HTD2: variants seen among roughly 807,000 people sequenced by gnomAD.
The protein encoded by HTD2 is hydroxyacyl-thioester dehydratase type 2, mitochondrial.
HTD2 carries 1 observed loss-of-function variant against 3.1 expected under a neutral mutation model. That is an observed-to-expected ratio of 0.32 (90% CI 0.11 to 1.52). The LOEUF (loss-of-function observed/expected upper bound fraction) is 1.52. Ranked by LOEUF, HTD2 falls within the 40% of genes most tolerant of loss-of-function variation. The pLI, the probability that HTD2 is intolerant of heterozygous loss-of-function variation, is 0.39. For synonymous variants in HTD2, 50 were observed against 28.9 expected, an observed-to-expected ratio of 1.73 and a Z score of -2.34; for missense variants, 150 against 79.6, an observed-to-expected ratio of 1.88 and a Z score of -3.36.
Position 58,317,468 on chromosome 3 carries a change from G to T in HTD2, c.-146G>T. The T allele has an allele frequency of 6.3e-7, 1 of 1,599,832 alleles. No individual in the cohort carries two copies. Among genetic ancestry groups the T allele is most frequent in the African/African-American group, 1.3e-5 (1 of 74,470 alleles). ...TCTCCATTTCTTCTTGCATTATCTGGTAATAGTAGGGAACTAGTATTGGAT... is the reference window on the plus strand; with the variant it reads ...TCTCCATTTCTTCTTGCATTATCTGTTAATAGTAGGGAACTAGTATTGGAT... On this transcript the variant is annotated 5_prime_UTR_variant, in exon 5 of 5. Coordinates refer to ENST00000461393, the MANE Select transcript of HTD2 (RefSeq NM_001348712.2).
Position 58,318,379 on chromosome 3 carries a change from T to G in HTD2, c.*259T>G. On this transcript the variant is annotated 3_prime_UTR_variant, in exon 5 of 5. Transcript: ENST00000461393. ...TTGTTTTTTAATTCAAGAAGTAGGC[T>G]GGGCCCGGTGGCTCATGCCTGTAAT... 1 of 299,392 alleles carries G rather than the reference T, an allele frequency of 3.3e-6. No homozygotes were observed. Among genetic ancestry groups the G allele is most frequent in the Admixed American group, 4.7e-5 (1 of 21,282 alleles). The allele number at this position is 299,392 out of a possible 1,614,324, so 18.5% of individuals were successfully genotyped here.
At chr3:58,316,638 C>A in intron 3 of HTD2, 47 bp downstream of exon 3, 1 of 1,494,260 alleles carries the variant, frequency 6.7e-7, no homozygotes, top group Non-Finnish European at 9.3e-7. Flanking sequence ...GCAGAGAGAC[C>A]GATGGAGCAA....
At chr3:58,309,640 C>G (rs1029497292) in intron 1 of HTD2, among the ~76,000 whole-genome samples, 1 of 152,184 alleles carries the variant, frequency 6.6e-6, no homozygotes, top group Non-Finnish European at 1.5e-5. Flanking sequence ...ACCTGTAATA[C>G]CGGCACTCTG....
rs894946036 is a variant in HTD2, at chr3:58,317,086, T to C, written c.-175+93T>C. ...CAACTCATTTTTGTGCTTGCATAAA[T>C]GTAATATGGTTAAAATGATCTAAGT... On this transcript the variant is annotated intron_variant, in intron 4 of 4. Coordinates refer to ENST00000461393, the MANE Select transcript of HTD2 (RefSeq NM_001348712.2). The C allele has an allele frequency of 1.1e-5, 10 of 897,964 alleles. No individual in the cohort carries two copies. In the African/African-American group the frequency reaches 1.7e-4, roughly 15 times the overall value. 55.6% of individuals were successfully genotyped at this position (897,964 alleles called of 1,614,324 possible).
chr3:58,316,462 C>T, intron 2 of HTD2, 53 bp from the exon 3 acceptor site: 1 of 1,484,008 alleles, frequency 6.7e-7, no homozygotes, highest in Non-Finnish European at 9.4e-7. Flanking sequence ...AGTTGACAAG[C>T]ATTCAAGAAT....
At position 58,317,857 on chromosome 3, in the gene HTD2, A is replaced by G. The variant is rs556885667; in HGVS notation, c.244A>G (p.Ile82Val). 2.1e-4 allele frequency: 146 copies of G among 703,048 alleles called. No individual in the cohort carries two copies. The highest frequency in any genetic ancestry group is 1.8e-3 in the South Asian group (120 of 67,608). 43.6% of individuals were successfully genotyped at this position (703,048 alleles called of 1,614,324 possible). A position where few individuals can be genotyped will look rare whatever the true frequency, so the allele number is the denominator to read the frequency against. ...AAAACACACCAAGTTTGGAAATACA[A>G]TTGTACATGGAGTTTTGATCAACGG... ...FAKHTKFGNT[I>V]VHGVLINGLI... is the part of the protein sequence containing the mutation. The change falls in exon 5 of 5, where the codon ATT becomes GTT. Residue 82 changes from isoleucine (I) to valine (V), a missense_variant. Transcript: ENST00000461393.
chr3:58,312,249 ATTTTATTTTAT>A (rs2097483035), intron 2 of HTD2, among the ~76,000 whole-genome samples: 2 of 147,676 alleles, frequency 1.4e-5, no homozygotes, highest in African/African-American at 5.0e-5. Context: ...CCTAGAGATT[ATTTTATTTTAT>A]TTTTATTTAT....
Position 58,316,948 on chromosome 3 carries a change from G to A in HTD2, c.-220G>A, listed in dbSNP as rs151055867. 2.5e-6 allele frequency: 4 copies of A among 1,613,894 alleles called. No homozygotes were observed. Among genetic ancestry groups the A allele is most frequent in the Non-Finnish European group, 3.4e-6 (4 of 1,179,938 alleles). On this transcript the variant is annotated 5_prime_UTR_variant, in exon 4 of 5. Coordinates refer to ENST00000461393, the MANE Select transcript of HTD2 (RefSeq NM_001348712.2). The stretch of plus-strand genomic sequence containing the variant: ...TCAAATTGTGGAGCTCTTTGACCCT[G>A]TTAGGATCCTATAAAGGCAAAAAAT...
Position 58,317,605 on chromosome 3 carries a change from G to A in HTD2, c.-9G>A. On this transcript the variant is annotated 5_prime_UTR_variant, in exon 5 of 5. It adds an upstream start codon to the 5' untranslated region. Coordinates refer to ENST00000461393, the MANE Select transcript of HTD2 (RefSeq NM_001348712.2). Reference sequence around the variant, plus strand: ...TAAAAGCTCTTGATGAAATTTGAGGGTGCTGAAGATGTTCCCACTAATTTC... The same window carrying A: ...TAAAAGCTCTTGATGAAATTTGAGGATGCTGAAGATGTTCCCACTAATTTC... 1 of 814,430 alleles carries A rather than the reference G, an allele frequency of 1.2e-6. No homozygotes were observed. Among genetic ancestry groups the A allele is most frequent in the South Asian group, 1.4e-5 (1 of 70,898 alleles). The allele number at this position is 814,430 out of a possible 1,614,324, so 50.5% of individuals were successfully genotyped here. A position where few individuals can be genotyped will look rare whatever the true frequency, so the allele number is the denominator to read the frequency against.
rs1482103755 is a variant in HTD2 at position 58,317,514 on chromosome 3, T to G, written c.-100T>G. On this transcript the variant is annotated 5_prime_UTR_variant, in exon 5 of 5. Coordinates refer to ENST00000461393, the MANE Select transcript of HTD2 (RefSeq NM_001348712.2). ...TGGATTGAATGAATAGTCTTCCATTTTGGAAACGTTCATCCACTCTCATAT... is the reference window on the plus strand; with the variant it reads ...TGGATTGAATGAATAGTCTTCCATTGTGGAAACGTTCATCCACTCTCATAT... 6.6e-7 allele frequency: 1 copy of G among 1,518,736 alleles called. No homozygotes were observed. Among genetic ancestry groups the G allele is most frequent in the Admixed American group, 1.7e-5 (1 of 57,700 alleles). 94.1% of individuals were successfully genotyped at this position (1,518,736 alleles called of 1,614,324 possible). A position where few individuals can be genotyped will look rare whatever the true frequency, so the allele number is the denominator to read the frequency against.
chr3:58,310,398 A>C, intron 1 of HTD2, 109 bp from the exon 2 acceptor site: 1 of 1,614,014 alleles, frequency 6.2e-7, no homozygotes, highest in East Asian at 2.2e-5. Flanking sequence ...ACTACATGAA[A>C]GTCTGCCTGT....
intron 2 of HTD2, among the ~76,000 whole-genome samples, chr3:58,314,153 C>A (rs2097485398): frequency 6.6e-6 from 1 of 152,004 alleles, no homozygotes; most frequent in Admixed American, 6.6e-5. Flanking sequence ...GAGTTTGAGA[C>A]CATCCTGGCC....
intron 2 of HTD2, among the ~76,000 whole-genome samples, chr3:58,315,344 T>C (rs998640625): frequency 1.3e-5 from 2 of 150,930 alleles, no homozygotes; most frequent in Non-Finnish European, 2.9e-5. Flanking sequence ...CTATATATAA[T>C]CTGGAGAAAG....
intron 1 of HTD2, chr3:58,310,233 A>G: frequency 8.2e-7 from 1 of 1,213,660 alleles, no homozygotes; most frequent in Non-Finnish European, 1.2e-6. Context: ...AAAAACCCAA[A>G]TAGGCCAAAT....
chr3:58,318,028 A>T lies in HTD2; in HGVS notation c.415A>T (p.Ile139Phe). ...GAAAAAGCTGAAGCGGTTCATTGCT[A>T]TTATTGCAGTGTCATGTTCTGTAAT... ...EVKKLKRFIA[I>F]IAVSCSVIES... Residue 139 changes from isoleucine to phenylalanine, a missense_variant, in exon 5 of 5, where the codon ATT (isoleucine) becomes TTT (phenylalanine). Coordinates refer to ENST00000461393, the MANE Select transcript of HTD2 (RefSeq NM_001348712.2). 1.4e-6 allele frequency: 1 copy of T among 702,616 alleles called. No individual in the cohort carries two copies. The highest frequency in any genetic ancestry group is 2.6e-6 in the Non-Finnish European group (1 of 384,916). The allele number at this position is 702,616 out of a possible 1,614,324, so 43.5% of individuals were successfully genotyped here.
Position 58,316,594 on chromosome 3 carries a change from A to T in HTD2, c.-254+3A>T, listed in dbSNP as rs898680801. 1.4e-5 allele frequency: 22 copies of T among 1,612,500 alleles called. No homozygotes were observed. Among genetic ancestry groups the T allele is most frequent in the Non-Finnish European group, 1.4e-5 (16 of 1,178,674 alleles). ...GCCATCTTGAGAATATGTAGCAGGT[A>T]TGACAGAGAGTGGGAAATTTCTAGT... is the stretch of plus-strand genomic sequence containing the variant. On this transcript the variant is annotated splice_donor_region_variant and intron_variant, in intron 3 of 4. Transcript: ENST00000461393.
chr3:58,307,947 A>G (rs1385439777), intron 1 of HTD2: 1 of 151,858 alleles, frequency 6.6e-6, no homozygotes, highest in Admixed American at 6.6e-5. Flanking sequence ...AACGCTGTGC[A>G]GCCATCACCA....
At position 58,320,144 on chromosome 3, in the gene HTD2, T is replaced by G. The variant is rs1031430702; in HGVS notation, c.*2024T>G. The stretch of plus-strand genomic sequence containing the variant: ...TCATCCATGTTACAGCATGTATCAG[T>G]ACATCATTTTATTTTATGGCTGAAT... On this transcript the variant is annotated 3_prime_UTR_variant, in exon 5 of 5. Transcript: ENST00000461393. 1 of 152,176 alleles carries G rather than the reference T, an allele frequency of 6.6e-6. No individual in the cohort carries two copies. Among genetic ancestry groups the G allele is most frequent in the African/African-American group, 2.4e-5 (1 of 41,442 alleles). 9.4% of individuals were successfully genotyped at this position (152,176 alleles called of 1,614,324 possible). A position where few individuals can be genotyped will look rare whatever the true frequency, so the allele number is the denominator to read the frequency against.
At position 58,316,591 on chromosome 3, in the gene HTD2, G is replaced by C; in HGVS notation, c.-254G>C. The C allele has an allele frequency of 6.2e-7, 1 of 1,613,048 alleles. No homozygotes were observed. The highest frequency in any genetic ancestry group is 2.2e-5 in the East Asian group (1 of 44,872). ...TCAGCCATCTTGAGAATATGTAGCA[G>C]GTATGACAGAGAGTGGGAAATTTCT... On this transcript the variant is annotated splice_region_variant and 5_prime_UTR_variant, in exon 3 of 5. Transcript: ENST00000461393.
Sources: allele counts gnomAD v4.1 joint callset (sites outside exome capture counted in the v4.1 genomes callset), GRCh38; gene constraint gnomAD v4.1.1; transcripts MANE v1.5; gene names NCBI Gene and HGNC (gene_info 2026-07-23, HGNC 2026-07-21).